Variants in KCNT1 observed in about 807,000 individuals in gnomAD.
The protein encoded by KCNT1 is potassium sodium-activated channel subfamily T member 1, also known as potassium channel subfamily T member 1.
KCNT1 carries 78 observed loss-of-function variants against 147.8 expected under a neutral mutation model. The observed-to-expected ratio is 0.53, with a 90% CI of 0.44 to 0.64. KCNT1 has a LOEUF of 0.64. Ranked by LOEUF, KCNT1 falls within the 30% of genes least tolerant of loss-of-function variation. The probability of loss-of-function intolerance (pLI) is 0.00; values close to 1 mark genes in which losing one functional copy is unlikely to be tolerated. For synonymous variants in KCNT1, 867 were observed against 748.8 expected (o/e 1.16, Z -2.58); for missense variants, 1,419 against 1,750.3 (o/e 0.81, Z 3.38).
At chr9:135,786,998 G>T (rs1325495491) in intron 29 of KCNT1, among the ~76,000 whole-genome samples, 1 of 152,240 alleles carries the variant, frequency 6.6e-6, no homozygotes, top group Non-Finnish European at 1.5e-5. Context: ...CTGGACAGCG[G>T]ATACCCAGGG....
chr9:135,768,781 C>G (rs1832508964), intron 14 of KCNT1, 48 bp from the exon 15 acceptor site: 1 of 1,567,174 alleles, frequency 6.4e-7, no homozygotes, highest in Non-Finnish European at 8.7e-7. Flanking sequence ...CGCCCAGCAG[C>G]CCACAGAGGC....
intron 17 of KCNT1, among the ~76,000 whole-genome samples, 170 bp downstream of exon 17, chr9:135,770,617 G>A (rs966631843): frequency 5.3e-5 from 8 of 152,182 alleles, no homozygotes; most frequent in Non-Finnish European, 7.3e-5. Flanking sequence ...ACTGGGCTCC[G>A]GGTCCACATA....
At chr9:135,748,104 G>A (rs1588304353) in intron 2 of KCNT1, among the ~76,000 whole-genome samples, 1 of 152,166 alleles carries the variant, frequency 6.6e-6, no homozygotes, top group Non-Finnish European at 1.5e-5. Context: ...GCCATGCCTG[G>A]CTACTTTTTA....
chr9:135,768,355 GGGGC>G (rs1832477622), intron 13 of KCNT1: 2 of 234,888 alleles, frequency 8.5e-6, no homozygotes, highest in Admixed American at 6.4e-5. Flanking sequence ...GGGGGGGGGG[GGGGC>G]AGTATGGGGA....
At chr9:135,718,788 T>TC (rs1835815333) in intron 2 of KCNT1, among the ~76,000 whole-genome samples, 1 of 152,258 alleles carries the variant, frequency 6.6e-6, no homozygotes, top group South Asian at 2.1e-4. Flanking sequence ...GCTTCCTGTT[T>TC]CCCCCGGGAG....
Position 135,768,976 on chromosome 9 carries a change from G to A in KCNT1, c.1510+39G>A, listed in dbSNP as rs1305646944. 9.9e-6 allele frequency: 15 copies of A among 1,510,730 alleles called. No homozygotes were observed. In the East Asian group the frequency reaches 3.0e-4, roughly 30 times the overall value. 93.6% of individuals were successfully genotyped at this position (1,510,730 alleles called of 1,614,324 possible). On this transcript the variant is annotated intron_variant, in intron 15 of 30. Transcript: ENST00000371757. ...ACACGTGGGTGATGGTGTATCTGGG[G>A]CAGGGCACGTGTGCACACGTGGGTG...
chr9:135,732,042 G>GGA (rs1836506648), intron 2 of KCNT1, among the ~76,000 whole-genome samples: 1 of 52,676 alleles, frequency 1.9e-5, no homozygotes, highest in Non-Finnish European at 3.8e-5. Flanking sequence ...AGAGAGAGAG[G>GGA]GAGTCTCACT....
At position 135,752,917 on chromosome 9, in the gene KCNT1, T is replaced by TGATG. The variant is rs754710124; in HGVS notation, c.435-1005_435-1002dup. 6.2e-5 allele frequency among the ~76,000 whole-genome samples: 9 copies of TGATG among 144,118 alleles called. No homozygotes were observed. Among genetic ancestry groups the TGATG allele is most frequent in the African/African-American group, 2.1e-4 (8 of 37,922 alleles). 94.5% of individuals were successfully genotyped at this position (144,118 alleles called of 152,430 possible). ...AAGGATGGAGGGATGAGTGGATGGA[T>TGATG]GATGGATGGATGGATGGACAGATAA... On this transcript the variant is annotated intron_variant, in intron 4 of 30. Coordinates refer to ENST00000371757, the MANE Select transcript of KCNT1 (RefSeq NM_020822.3). The surrounding 1 kb of genome is among the most constrained non-coding windows in gnomAD (Gnocchi z 5.1).
At chr9:135,709,546 G>A (rs943622220) in intron 1 of KCNT1, among the ~76,000 whole-genome samples, 3 of 152,108 alleles carry the variant, frequency 2.0e-5, no homozygotes, top group Non-Finnish European at 2.9e-5. Context: ...AGAACCCCCC[G>A]TTCTGTAACC....
intron 29 of KCNT1, among the ~76,000 whole-genome samples, chr9:135,786,880 T>G (rs1834098787): frequency 6.6e-6 from 1 of 152,232 alleles, no homozygotes; most frequent in Non-Finnish European, 1.5e-5. Context: ...AGGAGCTGGC[T>G]GAGCCCTTTG....
chr9:135,728,538 G>A (rs533873307), intron 2 of KCNT1, among the ~76,000 whole-genome samples: 2 of 152,186 alleles, frequency 1.3e-5, no homozygotes, highest in Admixed American at 6.5e-5. Flanking sequence ...CAAGACTCAC[G>A]CCCTGTTCCG....
intron 21 of KCNT1, among the ~76,000 whole-genome samples, chr9:135,777,974 C>T (rs200220992): frequency 7.3e-5 from 7 of 95,450 alleles, no homozygotes; most frequent in East Asian, 6.3e-4. Context: ...CCTCTGTCTC[C>T]CAGCTCCTCC....
At chr9:135,725,238 A>G (rs1415169734) in intron 2 of KCNT1, among the ~76,000 whole-genome samples, 3 of 152,140 alleles carry the variant, frequency 2.0e-5, no homozygotes, top group Admixed American at 6.5e-5. Flanking sequence ...CAGGTCCCCT[A>G]TAGTGTTTGA....
At chr9:135,783,645 C>A (rs940470552) in intron 24 of KCNT1, among the ~76,000 whole-genome samples, 2 of 152,366 alleles carry the variant, frequency 1.3e-5, no homozygotes, top group Admixed American at 1.3e-4. Flanking sequence ...CGCCCTCCGG[C>A]ACCACTTACA....
At chr9:135,707,341 C>T (rs1035595926) in intron 1 of KCNT1, among the ~76,000 whole-genome samples, 4 of 151,942 alleles carry the variant, frequency 2.6e-5, no homozygotes, top group African/African-American at 9.7e-5. Context: ...TCAGGCTGTC[C>T]ACCCTAGGAG....
intron 1 of KCNT1, among the ~76,000 whole-genome samples, chr9:135,711,952 A>G (rs1835512030): frequency 6.6e-6 from 1 of 152,240 alleles, no homozygotes; most frequent in South Asian, 2.1e-4. Context: ...GGGAACAGGC[A>G]TCAGTATCTC....
At chr9:135,742,295 C>A (rs952587512) in intron 2 of KCNT1, among the ~76,000 whole-genome samples, 1 of 152,232 alleles carries the variant, frequency 6.6e-6, no homozygotes, top group African/African-American at 2.4e-5. Flanking sequence ...GAGCTCACCG[C>A]GCTCGCTTCT....
In KCNT1 at chr9:135,779,466, A is replaced by G; in HGVS notation, c.2837A>G (p.Glu946Gly). The G allele has an allele frequency of 6.2e-7, 1 of 1,607,824 alleles. No individual in the cohort carries two copies. The highest frequency in any genetic ancestry group is 8.5e-7 in the Non-Finnish European group (1 of 1,174,520). Reference protein sequence around the residue: ...DSYSLALSKLEKRERENGSNL... With the variant: ...DSYSLALSKLGKRERENGSNL... ...TACTCTCTGGCTCTTTCCAAACTAG[A>G]AAAGGTGAGCAGCCCTGCCCCGTGC... Residue 946 changes from glutamate (E) to glycine (G), a missense_variant, in exon 24 of 31, where the codon GAA becomes GGA. Glu to Gly is a moderately conservative substitution (Grantham distance 98). This residue lies in a region of KCNT1 where 247 missense variants were observed against 397.1 expected (regional missense o/e 0.62). Coordinates refer to ENST00000371757, the MANE Select transcript of KCNT1 (RefSeq NM_020822.3).
At chr9:135,748,066 C>G (rs1830940825) in intron 2 of KCNT1, among the ~76,000 whole-genome samples, 1 of 152,206 alleles carries the variant, frequency 6.6e-6, no homozygotes, top group African/African-American at 2.4e-5. Flanking sequence ...CTCAGCCTCC[C>G]CAGAAGCTGG....
Sources: gnomAD v4.1 joint callset for allele counts (sites outside exome capture counted in the v4.1 genomes callset) on GRCh38, gnomAD v4.1.1 for gene constraint, gnomAD v4.1.1 regional missense constraint, Gnocchi (gnomAD v3.1) non-coding constraint, MANE v1.5 for transcripts, NCBI Gene and HGNC (gene_info 2026-07-23, HGNC 2026-07-21) for gene names.